Variants in DOC2A observed in about 807,000 individuals in gnomAD.
DOC2A encodes the protein double C2 domain alpha, also known as double C2-like domain-containing protein alpha.
Under a neutral mutation model 40.6 loss-of-function variants are expected in DOC2A, and 28 were observed. The observed-to-expected ratio is 0.69, with a 90% CI of 0.51 to 0.95. The LOEUF (loss-of-function observed/expected upper bound fraction) is 0.95, where lower values mean the gene tolerates loss of function less well. Ranked by LOEUF, DOC2A falls within the 40% of genes least tolerant of loss-of-function variation. The pLI, the probability that DOC2A is intolerant of heterozygous loss-of-function variation, is 0.00. For synonymous variants in DOC2A, 241 were observed against 236.9 expected, an observed-to-expected ratio of 1.02 and a Z score of -0.16; for missense variants, 474 against 552.5, an observed-to-expected ratio of 0.86 and a Z score of 1.42.
upstream of DOC2A, chr16:30,011,166 G>A (rs1216298223): frequency 1.6e-6 from 1 of 630,324 alleles, no homozygotes; most frequent in Non-Finnish European, 2.0e-6. Flanking sequence ...ACGCGAGCGC[G>A]CACACACACG....
chr16:30,014,661 T>C (rs577993679), upstream of DOC2A, among the ~76,000 whole-genome samples: 3 of 134,756 alleles, frequency 2.2e-5, no homozygotes, highest in East Asian at 6.8e-4. Context: ...AAGTGCAGGC[T>C]GGGCATGGTG....
upstream of DOC2A, among the ~76,000 whole-genome samples, chr16:30,015,418 T>A (rs2070844935): frequency 6.6e-6 from 1 of 152,160 alleles, no homozygotes; most frequent in Non-Finnish European, 1.5e-5. Flanking sequence ...CGGGTTCAAG[T>A]GATTCTCCCG....
intron 1 of DOC2A, among the ~76,000 whole-genome samples, chr16:30,020,054 G>A (rs931049942): frequency 4.6e-5 from 7 of 152,084 alleles, no homozygotes; most frequent in Non-Finnish European, 8.8e-5. Context: ...GGCTACAGGC[G>A]CATGCTACCG....
rs1190528771 is a variant in DOC2A, at chr16:30,007,044, C to T, written c.701G>A (p.Cys234Tyr). 3 of 1,613,938 alleles carry T rather than the reference C, an allele frequency of 1.9e-6. No individual in the cohort carries two copies. Among genetic ancestry groups the T allele is most frequent in the African/African-American group, 1.3e-5 (1 of 74,884 alleles). Residue 234 changes from cysteine (C) to tyrosine (Y), a missense_variant, in exon 7 of 11, where the codon TGT becomes TAT. Cys to Tyr is a radical substitution (Grantham distance 194, BLOSUM62 -2). Transcript: ENST00000350119. ...GAGGTGCCTCACCTCCTTCAGATAA[C>T]AGGAGATGCCCCTCAGCGCCGCTGA... ...SMSAALRGISCYLKELEQAEQ... is the reference protein window; with the variant it reads ...SMSAALRGISYYLKELEQAEQ...
chr16:30,009,309 C>T lies in DOC2A; in HGVS notation c.343-33G>A, dbSNP rs1596703708. 1.3e-6 allele frequency: 2 copies of T among 1,537,498 alleles called. No homozygotes were observed. Among genetic ancestry groups the T allele is most frequent in the Non-Finnish European group, 1.8e-6 (2 of 1,135,020 alleles). ...GGAGGGCAGGGGAGAGGGCTAGAGGCTCCCGGCACCTCTCTCCATCCCTCT... is the reference window on the plus strand; with the variant it reads ...GGAGGGCAGGGGAGAGGGCTAGAGGTTCCCGGCACCTCTCTCCATCCCTCT... On this transcript the variant is annotated intron_variant, in intron 3 of 10. Transcript: ENST00000350119. The surrounding 1 kb of genome is among the most constrained non-coding windows in gnomAD (Gnocchi z 4.1).
chr16:30,010,080 C>T lies in DOC2A; in HGVS notation c.143G>A (p.Gly48Asp), dbSNP rs1171260969. The T allele has an allele frequency of 1.2e-6, 2 of 1,611,596 alleles. No individual in the cohort carries two copies. The highest frequency in any genetic ancestry group is 2.7e-5 in the African/African-American group (2 of 74,842). Residue 48 changes from glycine to aspartate, a missense_variant, in exon 2 of 11, where the codon GGC becomes GAC. Transcript: ENST00000350119. This position sits in a 1 kb window ranked among gnomAD's most constrained non-coding sequence, Gnocchi z 4.2. Reference sequence around the variant, plus strand: ...CAGATGGGCGGGGGCCTCCCCGCCGCCCCCGCCGCCCCCTTCAGGTCCTGG... The same window carrying T: ...CAGATGGGCGGGGGCCTCCCCGCCGTCCCCGCCGCCCCCTTCAGGTCCTGG... ...RGPGPEGGGG[G>D]GGEAPAHLVP...
Position 30,005,805 on chromosome 16 carries a change from C to CT in DOC2A, c.*380dup, listed in dbSNP as rs370401881. ...AGTGGCTCTGGGTTTGTTTTTTGTCCTTTTTTTTTGAGACATTCTCCTCCT... is the reference window on the plus strand; with the variant it reads ...AGTGGCTCTGGGTTTGTTTTTTGTCCTTTTTTTTTTGAGACATTCTCCTCCT... On this transcript the variant is annotated 3_prime_UTR_variant, in exon 11 of 11. Coordinates refer to ENST00000350119, the MANE Select transcript of DOC2A (RefSeq NM_003586.3). 615 of 442,188 alleles carry CT rather than the reference C, an allele frequency of 1.4e-3. No individual in the cohort carries two copies. The highest frequency in any genetic ancestry group is 2.4e-3 in the Middle Eastern group (4 of 1,694). The allele number at this position is 442,188 out of a possible 1,614,324, so 27.4% of individuals were successfully genotyped here.
In DOC2A at chr16:30,010,242, G is replaced by A. The variant is rs749333869; in HGVS notation, c.-13-7C>T. 22 of 1,612,588 alleles carry A rather than the reference G, an allele frequency of 1.4e-5. No homozygotes were observed. Among genetic ancestry groups the A allele is most frequent in the Non-Finnish European group, 1.8e-5 (21 of 1,179,954 alleles). On this transcript the variant is annotated splice_region_variant and splice_polypyrimidine_tract_variant and intron_variant, in intron 1 of 10. Coordinates refer to ENST00000350119, the MANE Select transcript of DOC2A (RefSeq NM_003586.3). The surrounding 1 kb of genome is among the most constrained non-coding windows in gnomAD (Gnocchi z 4.2). Reference sequence around the variant, plus strand: ...CCTCATGCAGCACCCCTGGCTAGGAGAGGGCGTGTGAGCCAGTGAGCCCAT... The same window carrying A: ...CCTCATGCAGCACCCCTGGCTAGGAAAGGGCGTGTGAGCCAGTGAGCCCAT...
At chr16:30,014,080 G>C (rs2070829269), upstream of DOC2A, among the ~76,000 whole-genome samples, 1 of 151,864 alleles carries the variant, frequency 6.6e-6, no homozygotes, top group South Asian at 2.1e-4. Context: ...ATACCCAGAA[G>C]CAGGGGACCA....
chr16:30,013,865 C>T (rs767304426), upstream of DOC2A, among the ~76,000 whole-genome samples: 9 of 152,096 alleles, frequency 5.9e-5, no homozygotes, highest in South Asian at 4.1e-4. Context: ...CAGGGGCGCA[C>T]GCCCCACACT....
At chr16:30,016,296 G>C (rs1286313949), upstream of DOC2A, among the ~76,000 whole-genome samples, 1 of 149,570 alleles carries the variant, frequency 6.7e-6, no homozygotes, top group Admixed American at 6.7e-5. Context: ...TGATCTGCCT[G>C]CCTTGGCCTC....
At position 30,005,985 on chromosome 16, in the gene DOC2A, C is replaced by T. The variant is rs1302685105; in HGVS notation, c.*201G>A. 1.7e-5 allele frequency: 11 copies of T among 639,178 alleles called. No individual in the cohort carries two copies. Among genetic ancestry groups the T allele is most frequent in the South Asian group, 1.2e-4 (6 of 50,236 alleles). 39.6% of individuals were successfully genotyped at this position (639,178 alleles called of 1,614,324 possible). A position where few individuals can be genotyped will look rare whatever the true frequency, so the allele number is the denominator to read the frequency against. ...GGGTTTGCATATTTGCAGGGACTAG[C>T]GAGTCAGGCAGGAGGTTTGCATATG... On this transcript the variant is annotated 3_prime_UTR_variant, in exon 11 of 11. Transcript: ENST00000350119.
At chr16:30,011,171 C>T, upstream of DOC2A, 1 of 629,688 alleles carries the variant, frequency 1.6e-6, no homozygotes. Flanking sequence ...AGCGCGCACA[C>T]ACACGTGTGC....
upstream of DOC2A, among the ~76,000 whole-genome samples, chr16:30,021,876 C>T (rs563857676): frequency 9.5e-4 from 145 of 152,096 alleles, 1 homozygote; most frequent in Non-Finnish European, 1.3e-4. Flanking sequence ...AGGAACCCCC[C>T]CCCCAGGAAG....
Position 30,009,188 on chromosome 16 carries a change from G to A in DOC2A, c.417+14C>T, listed in dbSNP as rs1173175440. 1.9e-6 allele frequency: 3 copies of A among 1,604,982 alleles called. No homozygotes were observed. In the African/African-American group the frequency reaches 4.0e-5, roughly 21 times the overall value. On this transcript the variant is annotated intron_variant, in intron 4 of 10. Transcript: ENST00000350119. This position sits in a 1 kb window ranked among gnomAD's most constrained non-coding sequence, Gnocchi z 4.1. ...TCATGGGCTGGGCCGGGCGGGGCGAGAGGAGGCTGTTACCTTACAGGCTCC... is the reference window on the plus strand; with the variant it reads ...TCATGGGCTGGGCCGGGCGGGGCGAAAGGAGGCTGTTACCTTACAGGCTCC...
chr16:30,023,228 T>G, upstream of DOC2A: 1 of 875,214 alleles, frequency 1.1e-6, no homozygotes, highest in Non-Finnish European at 1.8e-6. Context: ...CTGATGAGAG[T>G]GAGGGATGGG....
chr16:30,010,198 T>G lies in DOC2A; in HGVS notation c.25A>C (p.Met9Leu), dbSNP rs749341101. ...ATGTGCTCCTGGATGTTGATGGTCA[T>G]GCGATCGCCCCTGCGGCCCCTCATG... MRGRRGDR[M>L]TINIQEHMAI... is the part of the protein sequence containing the mutation. Residue 9 changes from methionine (M) to leucine (L), a missense_variant, in exon 2 of 11, where the codon ATG becomes CTG. Transcript: ENST00000350119. This position sits in a 1 kb window ranked among gnomAD's most constrained non-coding sequence, Gnocchi z 4.2. 5 of 1,613,844 alleles carry G rather than the reference T, an allele frequency of 3.1e-6. No individual in the cohort carries two copies. The African/African-American group carries it at 4.0e-5, about 13-fold the overall frequency.
At position 30,008,987 on chromosome 16, in the gene DOC2A, G is replaced by A; in HGVS notation, c.527+9C>T. On this transcript the variant is annotated intron_variant, in intron 5 of 10. Coordinates refer to ENST00000350119, the MANE Select transcript of DOC2A (RefSeq NM_003586.3). ...GCTGCTGCTGGGTGGTGGGGAGGGG[G>A]GCCCTCACCTGAGCACCTTGTGCGT... The A allele has an allele frequency of 6.3e-7, 1 of 1,594,370 alleles. No homozygotes were observed. The highest frequency in any genetic ancestry group is 8.6e-7 in the Non-Finnish European group (1 of 1,162,836).
Position 30,006,589 on chromosome 16 carries a change from T to C in DOC2A, c.960+7A>G. 6.2e-7 allele frequency: 1 copy of C among 1,613,574 alleles called. No individual in the cohort carries two copies. The highest frequency in any genetic ancestry group is 8.5e-7 in the Non-Finnish European group (1 of 1,179,850). Reference sequence around the variant, plus strand: ...CCTCCCTCCATGTCCCGTCCCCTCCTGGGTACCTCGTTAAATTCTGGGTTG... The same window carrying C: ...CCTCCCTCCATGTCCCGTCCCCTCCCGGGTACCTCGTTAAATTCTGGGTTG... On this transcript the variant is annotated splice_region_variant and intron_variant, in intron 9 of 10. Coordinates refer to ENST00000350119, the MANE Select transcript of DOC2A (RefSeq NM_003586.3). The surrounding 1 kb of genome is among the most constrained non-coding windows in gnomAD (Gnocchi z 6.2).
Sources: allele counts gnomAD v4.1 joint callset (sites outside exome capture counted in the v4.1 genomes callset), GRCh38; gene constraint gnomAD v4.1.1; non-coding constraint Gnocchi (gnomAD v3.1); transcripts MANE v1.5; gene names NCBI Gene and HGNC (gene_info 2026-07-23, HGNC 2026-07-21).